Variants in EPHA4 observed in about 807,000 individuals in gnomAD.
EPHA4 encodes EPH receptor A4.
A neutral mutation model predicts 108.3 loss-of-function variants in EPHA4; 19 were observed. That is an observed-to-expected ratio of 0.18 (90% CI 0.12 to 0.26). The LOEUF (loss-of-function observed/expected upper bound fraction) is 0.26. Among genes scored for constraint, EPHA4 ranks in the 10% least tolerant of loss-of-function variants. The pLI is 1.00. For missense variants in EPHA4, 917 were observed against 1,254.0 expected, an observed-to-expected ratio of 0.73 and a Z score of 4.06; for synonymous variants, 449 against 455.5, an observed-to-expected ratio of 0.99 and a Z score of 0.18.
At chr2:221,572,471 A>G, upstream of EPHA4, 1 of 334,102 alleles carries the variant, frequency 3.0e-6, no homozygotes, top group South Asian at 1.1e-4. Flanking sequence ...TCCGGGCTCC[A>G]CGGGGCGCGC....
intron 3 of EPHA4, chr2:221,532,577 T>A (rs1693552723): frequency 6.6e-6 from 1 of 152,240 alleles, no homozygotes; most frequent in South Asian, 2.1e-4. Context: ...TAACTTTTAG[T>A]TCCTACTTAA....
intron 5 of EPHA4, among the ~76,000 whole-genome samples, chr2:221,473,394 C>T (rs1050210045): frequency 1.3e-5 from 2 of 151,870 alleles, no homozygotes; most frequent in Non-Finnish European, 2.9e-5. Flanking sequence ...ATTGTATACC[C>T]ACATCACAAA....
rs780599857 is a variant in EPHA4 at position 221,426,558 on chromosome 2, C to A, written c.2752G>T (p.Asp918Tyr). 1 of 1,614,054 alleles carries A rather than the reference C, an allele frequency of 6.2e-7. No homozygotes were observed. Among genetic ancestry groups the A allele is most frequent in the African/African-American group, 1.3e-5 (1 of 75,004 alleles). ...TCCATTTTAATGGCCTGGAGCCAAT[C>A]GCCCACTGATACCACAGCAGAGAAT... Reference protein sequence around the residue: ...PEFSAVVSVGDWLQAIKMDRY... With the variant: ...PEFSAVVSVGYWLQAIKMDRY... Residue 918 changes from aspartate (D) to tyrosine (Y), a missense_variant, in exon 16 of 18, where the codon GAT (aspartate) becomes TAT (tyrosine). Physicochemically the swap from Asp to Tyr is radical, Grantham distance 160. Transcript: ENST00000281821.
intron 3 of EPHA4, among the ~76,000 whole-genome samples, chr2:221,533,430 C>A (rs143426435): frequency 1.3e-5 from 2 of 151,928 alleles, no homozygotes; most frequent in South Asian, 4.1e-4. Flanking sequence ...GATGCAGATG[C>A]GCTATTCACT....
At chr2:221,510,677 C>T (rs1692800698) in intron 3 of EPHA4, among the ~76,000 whole-genome samples, 1 of 152,154 alleles carries the variant, frequency 6.6e-6, no homozygotes, top group Non-Finnish European at 1.5e-5. Context: ...TACATAAAGC[C>T]TGCTAAATCT....
At chr2:221,529,067 A>G (rs1317243195) in intron 3 of EPHA4, among the ~76,000 whole-genome samples, 1 of 152,220 alleles carries the variant, frequency 6.6e-6, no homozygotes, top group Non-Finnish European at 1.5e-5. Flanking sequence ...GAGTACATAC[A>G]ATATAGTAAT....
chr2:221,448,703 T>A (rs915868383), intron 8 of EPHA4, among the ~76,000 whole-genome samples: 5 of 152,226 alleles, frequency 3.3e-5, no homozygotes, highest in African/African-American at 9.6e-5. Context: ...TCAGAGCTCC[T>A]AAAAGCATTA....
At chr2:221,440,477 C>T (rs890716886) in intron 11 of EPHA4, among the ~76,000 whole-genome samples, 2 of 152,158 alleles carry the variant, frequency 1.3e-5, no homozygotes, top group Non-Finnish European at 2.9e-5. Context: ...CTCTGGGCGG[C>T]CCTGAAGGCC....
At chr2:221,568,848 C>A (rs925712518) in intron 1 of EPHA4, 63 bp from the exon 2 acceptor site, 2 of 1,437,208 alleles carry the variant, frequency 1.4e-6, no homozygotes, top group East Asian at 2.3e-5. Context: ...ACACAAAAAC[C>A]ATTTGCCTGA....
chr2:221,433,031 G>T (rs2106095475), intron 14 of EPHA4, among the ~76,000 whole-genome samples: 1 of 152,010 alleles, frequency 6.6e-6, no homozygotes, highest in Admixed American at 6.5e-5. Context: ...TCACCATGTT[G>T]CTCAGGCTGG....
At chr2:221,525,150 C>A (rs1693283955) in intron 3 of EPHA4, among the ~76,000 whole-genome samples, 1 of 152,086 alleles carries the variant, frequency 6.6e-6, no homozygotes, top group African/African-American at 2.4e-5. Context: ...ACTAGACCAA[C>A]CTGTCAGGGA....
intron 3 of EPHA4, among the ~76,000 whole-genome samples, chr2:221,525,806 G>T (rs1693305708): frequency 6.6e-6 from 1 of 152,140 alleles, no homozygotes; most frequent in South Asian, 2.1e-4. Flanking sequence ...ACGTTGCCAA[G>T]AAAAGAAGCT....
chr2:221,433,958 A>G (rs1324271836), intron 14 of EPHA4, among the ~76,000 whole-genome samples, 184 bp downstream of exon 14: 1 of 152,144 alleles, frequency 6.6e-6, no homozygotes, highest in Non-Finnish European at 1.5e-5. Flanking sequence ...TAGGCCATTT[A>G]ATTCTTGTCC....
intron 8 of EPHA4, among the ~76,000 whole-genome samples, chr2:221,448,175 C>T (rs1424046635): frequency 4.6e-5 from 7 of 151,208 alleles, no homozygotes; most frequent in Admixed American, 4.6e-4. Context: ...TTCATGACAA[C>T]CCTTTGAAAG....
chr2:221,463,173 C>T (rs1314416781), intron 5 of EPHA4, among the ~76,000 whole-genome samples: 3 of 152,162 alleles, frequency 2.0e-5, no homozygotes, highest in Admixed American at 6.5e-5. Flanking sequence ...TAGGAACAGA[C>T]TCTGTTTTTC....
chr2:221,523,356 C>T (rs1435259565), intron 3 of EPHA4, among the ~76,000 whole-genome samples: 9 of 151,872 alleles, frequency 5.9e-5, no homozygotes, highest in African/African-American at 1.9e-4. Flanking sequence ...GGCACGATCT[C>T]GGCTCACCAC....
chr2:221,446,075 C>T lies in EPHA4; in HGVS notation c.1774+48G>A, dbSNP rs186948811. On this transcript the variant is annotated intron_variant, in intron 9 of 17. Coordinates refer to ENST00000281821, the MANE Select transcript of EPHA4 (RefSeq NM_004438.5). ...ATTTGAACATGTTTAAACTAGAAAA[C>T]GTGTGACATGCTCTAAAAATAGAAT... is the stretch of plus-strand genomic sequence containing the variant. The T allele has an allele frequency of 1.2e-4, 154 of 1,254,020 alleles. 1 individual carries two copies. In the East Asian group the frequency reaches 2.7e-3, roughly 22 times the overall value. The allele number at this position is 1,254,020 out of a possible 1,614,324, so 77.7% of individuals were successfully genotyped here.
chr2:221,430,217 C>T lies in EPHA4; in HGVS notation c.2497-66G>A, dbSNP rs955604576. On this transcript the variant is annotated intron_variant, in intron 14 of 17. Transcript: ENST00000281821. ...AGCTGCTGTTCAAGGTTCACCCTTC[C>T]GACTGGCATGTTTCTTGTGCATGAA... The T allele has an allele frequency of 2.5e-5, 37 of 1,487,626 alleles. No individual in the cohort carries two copies. In the African/African-American group the frequency reaches 2.5e-4, roughly 10 times the overall value. 92.2% of individuals were successfully genotyped at this position (1,487,626 alleles called of 1,614,324 possible). A position where few individuals can be genotyped will look rare whatever the true frequency, so the allele number is the denominator to read the frequency against.
chr2:221,566,161 A>G (rs1033642154), intron 2 of EPHA4, among the ~76,000 whole-genome samples: 14 of 152,212 alleles, frequency 9.2e-5, no homozygotes, highest in Admixed American at 2.0e-4. Flanking sequence ...AGTTGTTCTT[A>G]TAGACAAACA....
Sources: gnomAD v4.1 joint callset for allele counts (sites outside exome capture counted in the v4.1 genomes callset) on GRCh38, gnomAD v4.1.1 for gene constraint, MANE v1.5 for transcripts, NCBI Gene and HGNC (gene_info 2026-07-23, HGNC 2026-07-21) for gene names.